The following PPM1B variants were observed in gnomAD, a reference collection of about 807,000 sequenced individuals.
PPM1B encodes protein phosphatase 1B.
A neutral mutation model predicts 43.0 loss-of-function variants in PPM1B; 22 were observed. The observed-to-expected ratio is 0.51, with a 90% CI of 0.37 to 0.73. The LOEUF is 0.73. Among genes scored for constraint, PPM1B ranks in the 30% least tolerant of loss-of-function variants. PPM1B has a pLI of 0.00. For synonymous variants in PPM1B, 217 were observed against 197.9 expected (o/e 1.10, Z -0.81); for missense variants, 632 against 584.2 (o/e 1.08, Z -0.84).
chr2:44,233,645 C>T (rs1349550922), downstream of PPM1B: 3 of 985,616 alleles, frequency 3.0e-6, no homozygotes, highest in Non-Finnish European at 3.6e-6. Flanking sequence ...AATGAGTCAT[C>T]ATCTGGTCCT....
intron 1 of PPM1B, among the ~76,000 whole-genome samples, chr2:44,181,092 G>C (rs1485319141): frequency 1.3e-5 from 2 of 152,102 alleles, no homozygotes; most frequent in East Asian, 1.9e-4. Flanking sequence ...CCACGGATGT[G>C]TGTCACCATA....
chr2:44,219,551 T>C (rs1362674029), intron 5 of PPM1B, among the ~76,000 whole-genome samples: 2 of 152,214 alleles, frequency 1.3e-5, no homozygotes, highest in African/African-American at 2.4e-5. Context: ...TAGTGAGTCA[T>C]ATAAAAGTGA....
chr2:44,202,320 A>G (rs886830374), intron 2 of PPM1B, among the ~76,000 whole-genome samples: 3 of 152,176 alleles, frequency 2.0e-5, no homozygotes, highest in Non-Finnish European at 2.9e-5. Context: ...ACACAGAGTG[A>G]CTTTTTCTTG....
chr2:44,186,620 C>A (rs1186225733), intron 1 of PPM1B, among the ~76,000 whole-genome samples: 1 of 152,232 alleles, frequency 6.6e-6, no homozygotes, highest in African/African-American at 2.4e-5. Context: ...GGCAATCCAC[C>A]CGCCTGAGCC....
intron 5 of PPM1B, among the ~76,000 whole-genome samples, chr2:44,220,997 T>G (rs1399466514): frequency 6.6e-6 from 1 of 152,210 alleles, no homozygotes; most frequent in Non-Finnish European, 1.5e-5. Flanking sequence ...AGGTACTTGC[T>G]AAGAGACCAG....
chr2:44,240,082 A>C (rs1406272898), intron 5 of PPM1B, among the ~76,000 whole-genome samples: 1 of 134,156 alleles, frequency 7.5e-6, no homozygotes, highest in Non-Finnish European at 1.7e-5. Flanking sequence ...ACCATAGCGC[A>C]CTGCAGCATC....
At chr2:44,233,803 A>T (rs1402792017), downstream of PPM1B, 2 of 985,428 alleles carry the variant, frequency 2.0e-6, no homozygotes, top group Non-Finnish European at 2.4e-6. Flanking sequence ...GCCACAATAT[A>T]TTTTATTTAT....
At chr2:44,234,560 G>A (rs1227121847), downstream of PPM1B, 2 of 985,472 alleles carry the variant, frequency 2.0e-6, no homozygotes, top group Non-Finnish European at 2.4e-6. Context: ...CCGGCAGGGG[G>A]CAGGGTGGGG....
At chr2:44,244,168 C>T in intron 5 of PPM1B, 2 of 892,172 alleles carry the variant, frequency 2.2e-6, no homozygotes, top group Non-Finnish European at 2.8e-6. Flanking sequence ...AACCCCAATC[C>T]TGCAAGAAAA....
chr2:44,240,076 T>C lies in PPM1B; in HGVS notation n.1547-4152T>C, dbSNP rs1278831437. On this transcript the variant is annotated intron_variant and non_coding_transcript_variant, in intron 5 of 5. Coordinates refer to the PPM1B transcript ENST00000378540. ...CCCAGGCTGGAGTGTAGTGGCACCA[T>C]AGCGCACTGCAGCATCGAACTCCTG... 1.4e-5 allele frequency among the ~76,000 whole-genome samples: 2 copies of C among 145,812 alleles called. 1 individual carries two copies. Among genetic ancestry groups the C allele is most frequent in the Non-Finnish European group, 3.1e-5 (2 of 65,332 alleles).
downstream of PPM1B, chr2:44,233,081 T>C: frequency 1.0e-6 from 1 of 982,088 alleles, no homozygotes; most frequent in Middle Eastern, 5.3e-4. Context: ...CTTTGACATC[T>C]CACTGTTGGA....
intron 1 of PPM1B, among the ~76,000 whole-genome samples, chr2:44,181,204 C>T (rs1213295209): frequency 6.6e-6 from 1 of 152,126 alleles, no homozygotes; most frequent in East Asian, 1.9e-4. Context: ...CCATTTTGGC[C>T]TCCAGAAGTG....
intron 5 of PPM1B, among the ~76,000 whole-genome samples, chr2:44,225,792 G>T (rs1029963231): frequency 6.6e-6 from 1 of 151,978 alleles, no homozygotes; most frequent in African/African-American, 2.4e-5. Flanking sequence ...AAGTAGCTGG[G>T]ACTACAGGCA....
chr2:44,216,667 C>A (rs904455276), intron 3 of PPM1B, among the ~76,000 whole-genome samples: 5 of 152,104 alleles, frequency 3.3e-5, no homozygotes. Flanking sequence ...GTGGCTCAGG[C>A]CTCTAATCCC....
At chr2:44,173,803 G>A (rs1667460369) in intron 1 of PPM1B, among the ~76,000 whole-genome samples, 1 of 152,156 alleles carries the variant, frequency 6.6e-6, no homozygotes, top group East Asian at 1.9e-4. Flanking sequence ...AATTAGCCGG[G>A]TGTGGTGGCA....
chr2:44,197,195 A>G (rs1668702893), intron 1 of PPM1B, among the ~76,000 whole-genome samples: 1 of 152,056 alleles, frequency 6.6e-6, no homozygotes, highest in African/African-American at 2.4e-5. Context: ...ATCAGGGCTC[A>G]CTGCAGCCTC....
At chr2:44,244,941 CG>C (rs1670829452), downstream of PPM1B, among the ~76,000 whole-genome samples, 1 of 150,880 alleles carries the variant, frequency 6.6e-6, no homozygotes, top group African/African-American at 2.4e-5. Flanking sequence ...GGGCGGGACA[CG>C]TGAATCTGGC....
rs562648635 is a variant in PPM1B at position 44,194,498 on chromosome 2, C to T, written c.-14-6688C>T. Among the ~76,000 whole-genome samples, 13 of 151,872 alleles carry T rather than the reference C, an allele frequency of 8.6e-5. No homozygotes were observed. In the South Asian group the frequency reaches 1.0e-3, roughly 12 times the overall value. Reference sequence around the variant, plus strand: ...CAGCACTTTGGGAGGCCGAGGCGGGCGGATCACGATGTCAGGAGATCGAGA... The same window carrying T: ...CAGCACTTTGGGAGGCCGAGGCGGGTGGATCACGATGTCAGGAGATCGAGA... On this transcript the variant is annotated intron_variant, in intron 1 of 5. Transcript: ENST00000282412.
intron 1 of PPM1B, among the ~76,000 whole-genome samples, chr2:44,186,054 A>G (rs1331082889): frequency 1.3e-5 from 2 of 152,174 alleles, no homozygotes; most frequent in Non-Finnish European, 2.9e-5. Flanking sequence ...TTCTCATTCA[A>G]GCAGTATAGG....
Sources: allele counts gnomAD v4.1 joint callset (sites outside exome capture counted in the v4.1 genomes callset), GRCh38; gene constraint gnomAD v4.1.1; transcripts MANE v1.5; gene names NCBI Gene and HGNC (gene_info 2026-07-23, HGNC 2026-07-21).